Variants in MAEA observed in about 807,000 individuals in gnomAD.
MAEA encodes E3 ubiquitin-protein transferase MAEA.
Under a neutral mutation model 46.2 loss-of-function variants are expected in MAEA, and 22 were observed. That is an observed-to-expected ratio of 0.48 (90% CI 0.34 to 0.68). MAEA has a LOEUF of 0.68. MAEA is among the 30% of genes least tolerant of loss of function. MAEA has a pLI of 0.01. For missense variants in MAEA, 393 were observed against 558.1 expected (o/e 0.70, Z 2.98); for synonymous variants, 246 against 222.6 (o/e 1.11, Z -0.94).
At chr4:1,316,645 T>C (rs1029472455) in intron 3 of MAEA, among the ~76,000 whole-genome samples, 2 of 151,596 alleles carry the variant, frequency 1.3e-5, no homozygotes, top group South Asian at 2.1e-4. Context: ...TAACCAGGGG[T>C]CTTCTCTCTT....
intron 4 of MAEA, 127 bp downstream of exon 4, chr4:1,322,630 G>A (rs1738274220): frequency 7.8e-6 from 10 of 1,289,674 alleles, no homozygotes; most frequent in Non-Finnish European, 9.5e-6. Flanking sequence ...GTGGGGGTTG[G>A]GTTTGGGAGT....
chr4:1,300,168 A>G (rs190623088), intron 1 of MAEA, among the ~76,000 whole-genome samples: 1 of 152,344 alleles, frequency 6.6e-6, no homozygotes, highest in Non-Finnish European at 1.5e-5. Context: ...CAGCAGAGAC[A>G]GACGATCCAA....
chr4:1,296,827 C>T (rs1039523635), intron 1 of MAEA, among the ~76,000 whole-genome samples: 7 of 152,176 alleles, frequency 4.6e-5, no homozygotes, highest in Admixed American at 3.3e-4. Flanking sequence ...TCCCATCACT[C>T]GGCTCCCGTG....
At chr4:1,290,421 G>T (rs937746889) in intron 1 of MAEA, among the ~76,000 whole-genome samples, 1 of 152,180 alleles carries the variant, frequency 6.6e-6, no homozygotes, top group Non-Finnish European at 1.5e-5. Context: ...GGAACTGTAG[G>T]GAGAAACCTC....
chr4:1,303,399 C>A (rs373651247), intron 1 of MAEA, among the ~76,000 whole-genome samples: 566 of 116,452 alleles, frequency 4.9e-3, no homozygotes, highest in Middle Eastern at 8.2e-3. Context: ...GACTCTGTCT[C>A]AAAAAAAAAA....
chr4:1,316,147 C>T (rs1255090663), intron 3 of MAEA, among the ~76,000 whole-genome samples: 1 of 152,142 alleles, frequency 6.6e-6, no homozygotes, highest in Non-Finnish European at 1.5e-5. Flanking sequence ...CTCGTGAGAG[C>T]TTTGCCTTTA....
chr4:1,293,210 GTT>G lies in MAEA; in HGVS notation c.69+3238_69+3239del, dbSNP rs78057925. On this transcript the variant is annotated intron_variant, in intron 1 of 8. Transcript: ENST00000303400. ...CCTTGCTTTCATTATTTTGTAAAAG[GTT>G]TTTTTTTTTCTGATTATAAAAGTAA... Among the ~76,000 whole-genome samples, 462 of 147,818 alleles carry G rather than the reference GTT, an allele frequency of 3.1e-3. 1 individual carries two copies. The highest frequency in any genetic ancestry group is 7.1e-3 in the South Asian group (33 of 4,662).
At chr4:1,312,461 A>ACTGTGTCATTCAGG (rs1395308612) in intron 2 of MAEA, 11 of 308,038 alleles carry the variant, frequency 3.6e-5, no homozygotes, top group Non-Finnish European at 1.1e-5. Flanking sequence ...ACAGAGTCCC[A>ACTGTGTCATTCAGG]CTGTGTCATT....
In MAEA at chr4:1,339,088, C is replaced by G. The variant is rs1219987744; in HGVS notation, c.1110C>G (p.Ile370Met). 1.9e-6 allele frequency: 3 copies of G among 1,613,728 alleles called. No homozygotes were observed. Among genetic ancestry groups the G allele is most frequent in the South Asian group, 2.2e-5 (2 of 91,074 alleles). Residue 370 changes from isoleucine (I) to methionine (M), a missense_variant, in exon 9 of 9, where the codon ATC becomes ATG. By Grantham distance (10) the Ile-to-Met change is conservative. Coordinates refer to ENST00000303400, the MANE Select transcript of MAEA (RefSeq NM_001017405.3). Reference protein sequence around the residue: ...YVYGYNSLLSIRQDDKVVCPR... With the variant: ...YVYGYNSLLSMRQDDKVVCPR... ...TTATTTTTCAGTCTCTGCTTTCTAT[C>G]CGTCAAGATGATAAAGTCGTGTGCC...
At chr4:1,312,391 C>A in intron 2 of MAEA, 3 of 531,560 alleles carry the variant, frequency 5.6e-6, no homozygotes, top group African/African-American at 2.0e-5. Context: ...GTCCAGGCCA[C>A]AGGGAGACCA....
chr4:1,330,218 A>T, intron 5 of MAEA: 2 of 856,786 alleles, frequency 2.3e-6, no homozygotes. Flanking sequence ...CCTGTACTTC[A>T]TGGGCTTTGT....
Position 1,336,872 on chromosome 4 carries a change from C to A in MAEA, c.777C>A (p.Asp259Glu). The A allele has an allele frequency of 6.2e-7, 1 of 1,613,808 alleles. No homozygotes were observed. The highest frequency in any genetic ancestry group is 1.1e-5 in the South Asian group (1 of 91,062). The change falls in exon 7 of 9, where the codon GAC becomes GAA. Residue 259 changes from aspartate (D) to glutamate (E), a missense_variant. By Grantham distance (45) the Asp-to-Glu change is conservative. This residue lies in a region of MAEA where 358 missense variants were observed against 537.9 expected (regional missense o/e 0.67). Transcript: ENST00000303400. Reference sequence around the variant, plus strand: ...TCTCTGTCTTCCAGGACCTTCTGGACCCTGCACGGTGGCGGATGCTGATCC... The same window carrying A: ...TCTCTGTCTTCCAGGACCTTCTGGAACCTGCACGGTGGCGGATGCTGATCC... ...THISPYKDLL[D>E]PARWRMLIQQ...
At position 1,321,270 on chromosome 4, in the gene MAEA, C is replaced by T. The variant is rs182717499; in HGVS notation, c.457-1111C>T. On this transcript the variant is annotated intron_variant, in intron 3 of 8. Coordinates refer to ENST00000303400, the MANE Select transcript of MAEA (RefSeq NM_001017405.3). ...TCAGAAAAGAAATCATCAAAGCAAA[C>T]GTGCAAGAAAACGCTATGAAGGGGC... is the stretch of plus-strand genomic sequence containing the variant. Among the ~76,000 whole-genome samples, 33 of 150,632 alleles carry T rather than the reference C, an allele frequency of 2.2e-4. No individual in the cohort carries two copies. The East Asian group carries it at 5.1e-3, about 23-fold the overall frequency.
chr4:1,322,659 A>G (rs983795154), intron 4 of MAEA, among the ~76,000 whole-genome samples, 156 bp downstream of exon 4: 4 of 152,178 alleles, frequency 2.6e-5, no homozygotes, highest in Admixed American at 6.5e-5. Flanking sequence ...TGGCTGTGTT[A>G]CACTTTTAGG....
At chr4:1,313,233 G>A (rs73073727) in intron 2 of MAEA, among the ~76,000 whole-genome samples, 9,436 of 152,260 alleles carry the variant, frequency 0.062, 926 homozygotes, top group African/African-American at 0.21. Context: ...TCTTTCTTGG[G>A]GAGGATACCT....
At chr4:1,318,236 G>C (rs1737560221) in intron 3 of MAEA, among the ~76,000 whole-genome samples, 1 of 152,218 alleles carries the variant, frequency 6.6e-6, no homozygotes, top group African/African-American at 2.4e-5. Flanking sequence ...CTGTCCTTGG[G>C]ACCCATGGGG....
intron 5 of MAEA, 116 bp from the exon 6 acceptor site, chr4:1,332,641 C>T: frequency 5.6e-6 from 4 of 714,078 alleles, no homozygotes; most frequent in Non-Finnish European, 7.2e-6. Context: ...GAGTTCGAGG[C>T]TACAGTGAGC....
At chr4:1,304,186 C>G (rs1735611257) in intron 1 of MAEA, among the ~76,000 whole-genome samples, 1 of 152,190 alleles carries the variant, frequency 6.6e-6, no homozygotes, top group South Asian at 2.1e-4. Context: ...TGAGATGTTG[C>G]TGGTCCAAAT....
chr4:1,296,488 A>G (rs1434419290), intron 1 of MAEA, among the ~76,000 whole-genome samples: 5 of 90,152 alleles, frequency 5.5e-5, no homozygotes, highest in African/African-American at 8.9e-5. Flanking sequence ...TGCCTCCCTC[A>G]CTTGCGCTGT....
Sources: gnomAD v4.1 joint callset for allele counts (sites outside exome capture counted in the v4.1 genomes callset) on GRCh38, gnomAD v4.1.1 for gene constraint, gnomAD v4.1.1 regional missense constraint, MANE v1.5 for transcripts, NCBI Gene and HGNC (gene_info 2026-07-23, HGNC 2026-07-21) for gene names.